CDH17: variants seen among roughly 807,000 people sequenced by gnomAD.
CDH17 encodes the protein cadherin 17.
A neutral mutation model predicts 86.3 loss-of-function variants in CDH17; 67 were observed. The ratio of observed to expected loss-of-function variants is 0.78; its 90% CI spans 0.64 to 0.95. The LOEUF (loss-of-function observed/expected upper bound fraction) is 0.95, where lower values mean the gene tolerates loss of function less well. Ranked by LOEUF, CDH17 falls within the 40% of genes least tolerant of loss-of-function variation. The pLI is 0.00. For synonymous variants in CDH17, 367 were observed against 366.4 expected (o/e 1.00, Z -0.02); for missense variants, 993 against 1,017.6 (o/e 0.98, Z 0.33).
chr8:94,211,803 T>C (rs1814126287), upstream of CDH17, among the ~76,000 whole-genome samples: 1 of 152,238 alleles, frequency 6.6e-6, no homozygotes, highest in Non-Finnish European at 1.5e-5. Context: ...ATATCTGTCT[T>C]GCTCTGTTAA....
At chr8:94,141,700 A>T (rs967262702) in intron 15 of CDH17, among the ~76,000 whole-genome samples, 3 of 152,152 alleles carry the variant, frequency 2.0e-5, no homozygotes, top group African/African-American at 7.2e-5. Flanking sequence ...ATACACTGAA[A>T]ACTAAAACAC....
At chr8:94,187,460 T>TTTTATTA in intron 3 of CDH17, among the ~76,000 whole-genome samples, 1 of 152,216 alleles carries the variant, frequency 6.6e-6, no homozygotes, top group Non-Finnish European at 1.5e-5. Context: ...AGTCACTCCG[T>TTTTATTA]ACATGGTTAA....
At chr8:94,199,102 T>G (rs1813856128) in intron 1 of CDH17, among the ~76,000 whole-genome samples, 2 of 143,280 alleles carry the variant, frequency 1.4e-5, no homozygotes, top group Admixed American at 7.0e-5. Flanking sequence ...TTTTTATCAT[T>G]TGTCTGTTAG....
At chr8:94,209,874 G>T (rs1340335316), upstream of CDH17, among the ~76,000 whole-genome samples, 2 of 151,254 alleles carry the variant, frequency 1.3e-5, no homozygotes, top group African/African-American at 4.9e-5. Context: ...AGAAGTTTGG[G>T]TCTTCTTTGA....
intron 15 of CDH17, among the ~76,000 whole-genome samples, chr8:94,141,945 T>G (rs967190655): frequency 6.6e-6 from 1 of 152,194 alleles, no homozygotes; most frequent in African/African-American, 2.4e-5. Flanking sequence ...ATCTACCTGA[T>G]TTCAAGCCTT....
chr8:94,159,487 G>A (rs1164038207), intron 12 of CDH17, among the ~76,000 whole-genome samples: 2 of 152,060 alleles, frequency 1.3e-5, no homozygotes, highest in African/African-American at 2.4e-5. Context: ...AGGCCCATGG[G>A]GTCATCCAAC....
chr8:94,161,796 C>A (rs568178097), intron 11 of CDH17, among the ~76,000 whole-genome samples: 1 of 152,298 alleles, frequency 6.6e-6, no homozygotes, highest in Non-Finnish European at 1.5e-5. Context: ...CCGCCATTCA[C>A]CTTTTTTCAA....
intron 7 of CDH17, among the ~76,000 whole-genome samples, chr8:94,173,289 C>A (rs573134763): frequency 3.3e-5 from 5 of 152,186 alleles, no homozygotes; most frequent in East Asian, 3.9e-4. Flanking sequence ...GGGGGCAGAT[C>A]CCTCGTGAAT....
intron 1 of CDH17, among the ~76,000 whole-genome samples, chr8:94,206,345 A>T (rs770123672): frequency 6.6e-6 from 1 of 152,222 alleles, no homozygotes; most frequent in East Asian, 1.9e-4. Context: ...TTCTTTGGAT[A>T]ATCAACGAGC....
At chr8:94,177,504 G>T in intron 4 of CDH17, 83 bp downstream of exon 4, 1 of 1,422,208 alleles carries the variant, frequency 7.0e-7, no homozygotes, top group Non-Finnish European at 9.8e-7. Flanking sequence ...TCTGTGCAAG[G>T]AAGGAAGGTG....
At chr8:94,140,250 C>T (rs1168067562) in intron 15 of CDH17, among the ~76,000 whole-genome samples, 2 of 152,158 alleles carry the variant, frequency 1.3e-5, no homozygotes, top group East Asian at 3.9e-4. Context: ...AGTGTGACCC[C>T]CATCTCTACA....
At chr8:94,149,194 CT>C (rs1302966884) in intron 13 of CDH17, among the ~76,000 whole-genome samples, 1 of 152,118 alleles carries the variant, frequency 6.6e-6, no homozygotes, top group African/African-American at 2.4e-5. Flanking sequence ...AGTAGTTAAA[CT>C]TTTCTGGCAA....
At chr8:94,153,121 T>C (rs1318689034) in intron 12 of CDH17, among the ~76,000 whole-genome samples, 1 of 151,986 alleles carries the variant, frequency 6.6e-6, no homozygotes, top group Non-Finnish European at 1.5e-5. Flanking sequence ...CAAATACACA[T>C]TAGAAAAAGG....
Position 94,165,875 on chromosome 8 carries a change from T to C in CDH17, c.1168A>G (p.Met390Val), listed in dbSNP as rs765832184. 5 of 1,613,650 alleles carry C rather than the reference T, an allele frequency of 3.1e-6. No homozygotes were observed. The highest frequency in any genetic ancestry group is 4.2e-6 in the Non-Finnish European group (5 of 1,179,604). The change falls in exon 10 of 18, where the codon ATG becomes GTG. Residue 390 changes from methionine to valine, a missense_variant. Transcript: ENST00000027335. ...RIVEQTPKLP[M>V]DGLFLIQTYA... ...GTTTGGATTAGGAAGAGTCCATCCA[T>C]GGGAAGTTTGGGAGTTTGCTCCACA... is the stretch of plus-strand genomic sequence containing the variant.
At chr8:94,159,470 G>T (rs1434815112) in intron 12 of CDH17, among the ~76,000 whole-genome samples, 2 of 152,144 alleles carry the variant, frequency 1.3e-5, no homozygotes, top group Non-Finnish European at 2.9e-5. Context: ...AGGGTTTACA[G>T]CCTAAAAGGC....
chr8:94,130,807 G>A, intron 16 of CDH17, 68 bp from the exon 17 acceptor site: 1 of 1,506,520 alleles, frequency 6.6e-7, no homozygotes. Context: ...CCATATCAAA[G>A]ACAAGAATCT....
chr8:94,176,819 T>C (rs1024494401), intron 4 of CDH17, 140 bp from the exon 5 acceptor site: 6 of 758,234 alleles, frequency 7.9e-6, no homozygotes, highest in African/African-American at 7.1e-5. Context: ...AAAGGCCAAA[T>C]TGGGAAATGC....
intron 1 of CDH17, among the ~76,000 whole-genome samples, chr8:94,201,268 C>T (rs139816225): frequency 6.5e-4 from 99 of 152,242 alleles, no homozygotes; most frequent in African/African-American, 2.2e-3. Context: ...AGGAATCTTC[C>T]CTTTTTTAAA....
intron 14 of CDH17, 57 bp downstream of exon 14, chr8:94,148,687 T>C: frequency 2.8e-6 from 4 of 1,414,654 alleles, no homozygotes; most frequent in Non-Finnish European, 3.7e-6. Context: ...TTTCAACCCA[T>C]GTATCTTCTG....
Sources: allele counts gnomAD v4.1 joint callset (sites outside exome capture counted in the v4.1 genomes callset), GRCh38; gene constraint gnomAD v4.1.1; transcripts MANE v1.5; gene names NCBI Gene and HGNC (gene_info 2026-07-23, HGNC 2026-07-21).